The following EPS15L1 variants were observed in gnomAD, a reference collection of about 807,000 sequenced individuals.
EPS15L1 encodes the protein epidermal growth factor receptor substrate 15-like 1.
A neutral mutation model predicts 117.1 loss-of-function variants in EPS15L1; 43 were observed. That is an observed-to-expected ratio of 0.37 (90% CI 0.29 to 0.47). EPS15L1 has a LOEUF of 0.47. Ranked by LOEUF, EPS15L1 falls within the 20% of genes least tolerant of loss-of-function variation. The probability of loss-of-function intolerance (pLI) is 0.99; values close to 1 mark genes in which losing one functional copy is unlikely to be tolerated. For synonymous variants in EPS15L1, 459 were observed against 470.5 expected (o/e 0.98, Z 0.32); for missense variants, 981 against 1,164.0 (o/e 0.84, Z 2.29).
chr19:16,467,759 A>G (rs1437246953), intron 1 of EPS15L1, among the ~76,000 whole-genome samples: 1 of 152,214 alleles, frequency 6.6e-6, no homozygotes, highest in Non-Finnish European at 1.5e-5. Context: ...CATTCCAGAC[A>G]CACTGGCCGG....
intron 21 of EPS15L1, among the ~76,000 whole-genome samples, chr19:16,378,966 C>A (rs979334620): frequency 1.3e-5 from 2 of 152,086 alleles, no homozygotes; most frequent in Non-Finnish European, 2.9e-5. Context: ...GATAACACTG[C>A]GACAGGAAAC....
intron 8 of EPS15L1, among the ~76,000 whole-genome samples, chr19:16,426,273 C>A (rs1481752824): frequency 6.6e-6 from 1 of 152,230 alleles, no homozygotes; most frequent in Non-Finnish European, 1.5e-5. Flanking sequence ...CCTGGGTCAT[C>A]AAGAGGACCT....
chr19:16,448,304 GAGGATCACC>G (rs2093104413), intron 1 of EPS15L1, among the ~76,000 whole-genome samples: 1 of 152,068 alleles, frequency 6.6e-6, no homozygotes, highest in African/African-American at 2.4e-5. Flanking sequence ...GCCGAGGCAG[GAGGATCACC>G]AGAGTTTGGG....
Position 16,370,303 on chromosome 19 carries a change from A to G in EPS15L1, c.2380+6819T>C, listed in dbSNP as rs2092203439. Among the ~76,000 whole-genome samples, 1 of 152,136 alleles carries G rather than the reference A, an allele frequency of 6.6e-6. No homozygotes were observed. Among genetic ancestry groups the G allele is most frequent in the African/African-American group, 2.4e-5 (1 of 41,406 alleles). On this transcript the variant is annotated intron_variant, in intron 22 of 23. Coordinates refer to ENST00000455140, the MANE Select transcript of EPS15L1 (RefSeq NM_001258374.3). The surrounding 1 kb of genome is among the most constrained non-coding windows in gnomAD (Gnocchi z 5.2). The stretch of plus-strand genomic sequence containing the variant: ...TAGGAGAGATGAAAGATGAGGGGCC[A>G]TGTTCACCCCGCCAGAAAAGCAGGG...
chr19:16,413,782 G>T lies in EPS15L1; in HGVS notation c.1257C>A (p.Ser419Arg), dbSNP rs369835527. The T allele has an allele frequency of 1.2e-6, 2 of 1,613,412 alleles. No individual in the cohort carries two copies. The highest frequency in any genetic ancestry group is 1.7e-6 in the Non-Finnish European group (2 of 1,179,494). ...CGAACGAGACCCTTACCTGCACCTC[G>T]CTGGTTTTCTGTCTGATTGCCTCTT... ...EKEEAIRQKT[S>R]EVQELQNDLD... Residue 419 changes from serine (S) to arginine (R), a missense_variant, in exon 13 of 24, where the codon AGC becomes AGA. Ser to Arg is a moderately radical substitution (Grantham distance 110). Transcript: ENST00000455140.
At chr19:16,393,827 G>A (rs2092510281) in intron 18 of EPS15L1, 124 bp downstream of exon 18, 8 of 987,704 alleles carry the variant, frequency 8.1e-6, no homozygotes, top group African/African-American at 1.6e-5. Flanking sequence ...TGGATGGACG[G>A]CCGTCCTTCC....
chr19:16,444,286 A>T (rs886176237), intron 1 of EPS15L1, among the ~76,000 whole-genome samples: 14 of 152,130 alleles, frequency 9.2e-5, no homozygotes, highest in Non-Finnish European at 1.9e-4. Flanking sequence ...TTTAAAACAG[A>T]CAAAGACATC....
chr19:16,452,660 C>G (rs971871140), intron 1 of EPS15L1, among the ~76,000 whole-genome samples: 20 of 144,764 alleles, frequency 1.4e-4, no homozygotes, highest in African/African-American at 5.1e-4. Flanking sequence ...AACCTAAGAA[C>G]TAAAAATATA....
intron 22 of EPS15L1, among the ~76,000 whole-genome samples, chr19:16,374,632 G>T (rs551194584): frequency 1.3e-5 from 2 of 152,204 alleles, no homozygotes; most frequent in Admixed American, 1.3e-4. Context: ...CAGACCCAGC[G>T]CCGGGTTTAG....
chr19:16,449,334 T>C (rs1382661702), intron 1 of EPS15L1, among the ~76,000 whole-genome samples: 1 of 152,144 alleles, frequency 6.6e-6, no homozygotes, highest in Non-Finnish European at 1.5e-5. Context: ...AAAGACATTT[T>C]ACCAAAGAGG....
At chr19:16,452,921 C>T (rs777700234) in intron 1 of EPS15L1, among the ~76,000 whole-genome samples, 1 of 151,960 alleles carries the variant, frequency 6.6e-6, no homozygotes, top group Non-Finnish European at 1.5e-5. Context: ...CTCAGCCTCC[C>T]GAATAGCTAG....
chr19:16,374,945 C>T (rs2092275490), intron 22 of EPS15L1, among the ~76,000 whole-genome samples: 1 of 152,214 alleles, frequency 6.6e-6, no homozygotes, highest in African/African-American at 2.4e-5. Context: ...TATATGTTCA[C>T]ATGTGAATAT....
intron 20 of EPS15L1, 76 bp downstream of exon 20, chr19:16,386,095 T>G: frequency 8.8e-7 from 1 of 1,130,852 alleles, no homozygotes; most frequent in South Asian, 1.3e-5. Flanking sequence ...GCTTTGGGAG[T>G]GAAAGTGTTA....
intron 16 of EPS15L1, among the ~76,000 whole-genome samples, chr19:16,398,477 A>G (rs1406024682): frequency 6.6e-6 from 1 of 152,194 alleles, no homozygotes; most frequent in East Asian, 1.9e-4. Flanking sequence ...GGATGCAGAT[A>G]AAGATGGAGA....
chr19:16,456,199 TCAAA>T (rs1032675618), intron 1 of EPS15L1, among the ~76,000 whole-genome samples: 13 of 150,518 alleles, frequency 8.6e-5, no homozygotes, highest in Admixed American at 4.8e-4. Context: ...AAACCCTGTC[TCAAA>T]CAAACAAACA....
chr19:16,419,824 G>A (rs1026593817), intron 10 of EPS15L1, among the ~76,000 whole-genome samples: 33 of 152,344 alleles, frequency 2.2e-4, no homozygotes, highest in Admixed American at 4.6e-4. Context: ...CTGCCCCTGC[G>A]GGCCCCAGCC....
chr19:16,355,992 T>A, intron 23 of EPS15L1, 141 bp from the exon 24 acceptor site: 1 of 1,086,852 alleles, frequency 9.2e-7, no homozygotes, highest in Non-Finnish European at 1.3e-6. Flanking sequence ...GATAAGCATG[T>A]CTTGGCTGGG....
intron 19 of EPS15L1, 25 bp from the exon 20 acceptor site, chr19:16,386,256 G>A: frequency 4.4e-6 from 7 of 1,591,674 alleles, no homozygotes; most frequent in Non-Finnish European, 5.2e-6. Context: ...AGAGGAAAGA[G>A]TAAAAAGCAG....
chr19:16,364,582 C>T (rs994177332), intron 22 of EPS15L1, among the ~76,000 whole-genome samples: 2 of 152,214 alleles, frequency 1.3e-5, no homozygotes, highest in Admixed American at 6.5e-5. Flanking sequence ...GAGACGGCCT[C>T]CCATGCAGGG....
Sources: allele counts gnomAD v4.1 joint callset (sites outside exome capture counted in the v4.1 genomes callset), GRCh38; gene constraint gnomAD v4.1.1; non-coding constraint Gnocchi (gnomAD v3.1); transcripts MANE v1.5; gene names NCBI Gene and HGNC (gene_info 2026-07-23, HGNC 2026-07-21).